The following MAPK10 variants were observed in gnomAD, a reference collection of about 807,000 sequenced individuals.
The protein encoded by MAPK10 is mitogen-activated protein kinase 10.
In MAPK10, 25 loss-of-function variants were observed where a neutral mutation model predicts 59.3. That is an observed-to-expected ratio of 0.42 (90% CI 0.31 to 0.59). MAPK10 has a LOEUF of 0.59. Among genes scored for constraint, MAPK10 ranks in the 20% least tolerant of loss-of-function variants. MAPK10 has a pLI of 0.15. For missense variants in MAPK10, 351 were observed against 568.9 expected (o/e 0.62, Z 3.90); for synonymous variants, 190 against 200.5 (o/e 0.95, Z 0.44).
At chr4:86,037,516 T>C (rs948018125) in intron 11 of MAPK10, among the ~76,000 whole-genome samples, 6 of 149,502 alleles carry the variant, frequency 4.0e-5, no homozygotes, top group Non-Finnish European at 7.4e-5. Context: ...CGAGACTCCG[T>C]CTAAAAAAAA....
At chr4:86,358,447 A>G in intron 1 of MAPK10, 5 of 870,902 alleles carry the variant, frequency 5.7e-6, no homozygotes, top group Non-Finnish European at 6.9e-6. Context: ...TTTGTTCATA[A>G]AAGTTATCAT....
At chr4:86,492,724 G>A (rs1208901265) in intron 1 of MAPK10, among the ~76,000 whole-genome samples, 1 of 152,192 alleles carries the variant, frequency 6.6e-6, no homozygotes, top group Non-Finnish European at 1.5e-5. Flanking sequence ...TTACCATGGT[G>A]GATGAAATTT....
At chr4:86,304,586 G>T (rs2095533374) in intron 2 of MAPK10, among the ~76,000 whole-genome samples, 1 of 151,140 alleles carries the variant, frequency 6.6e-6, no homozygotes, top group Admixed American at 6.6e-5. Flanking sequence ...TAGAGACGGG[G>T]TTTCACCGTG....
intron 11 of MAPK10, among the ~76,000 whole-genome samples, chr4:86,058,406 G>A (rs1466813242): frequency 6.7e-6 from 1 of 149,366 alleles, no homozygotes; most frequent in African/African-American, 2.5e-5. Context: ...ATATTTCCCA[G>A]ATTTGTCTGT....
chr4:86,132,000 C>G (rs1234764390), intron 4 of MAPK10, among the ~76,000 whole-genome samples: 1 of 152,128 alleles, frequency 6.6e-6, no homozygotes, highest in Non-Finnish European at 1.5e-5. Context: ...TGCTTCTAGT[C>G]AGTAGACGAT....
At chr4:86,133,239 TA>T (rs1346940891) in intron 4 of MAPK10, among the ~76,000 whole-genome samples, 2 of 150,646 alleles carry the variant, frequency 1.3e-5, no homozygotes, top group African/African-American at 2.5e-5. Context: ...TGTGGAGACA[TA>T]TTAAAAGAGT....
At chr4:86,433,666 G>A (rs1490112835) in intron 1 of MAPK10, among the ~76,000 whole-genome samples, 1 of 146,484 alleles carries the variant, frequency 6.8e-6, no homozygotes, top group East Asian at 2.1e-4. Context: ...AGCCTCCCAA[G>A]CTGCTGGGAA....
intron 1 of MAPK10, among the ~76,000 whole-genome samples, chr4:86,413,162 C>T (rs1029312663): frequency 1.3e-5 from 2 of 152,208 alleles, no homozygotes; most frequent in African/African-American, 2.4e-5. Context: ...AGTCAGGCCC[C>T]TCAGCTGCAG....
chr4:86,134,465 C>T (rs1161425062), intron 4 of MAPK10, among the ~76,000 whole-genome samples: 1 of 152,194 alleles, frequency 6.6e-6, no homozygotes, highest in East Asian at 1.9e-4. Context: ...ATTAAAGTCT[C>T]CACCCCTGCC....
intron 4 of MAPK10, among the ~76,000 whole-genome samples, chr4:86,114,284 G>A (rs1179543683): frequency 6.6e-6 from 1 of 152,192 alleles, no homozygotes; most frequent in African/African-American, 2.4e-5. Flanking sequence ...TCATTTGGAG[G>A]AGAAGAGGGA....
chr4:86,117,669 G>A (rs752221029), intron 4 of MAPK10: 1 of 152,204 alleles, frequency 6.6e-6, no homozygotes, highest in Admixed American at 6.5e-5. Context: ...TGAGCGATTT[G>A]TAATGCAGAA....
chr4:86,451,846 G>A (rs776714310), intron 1 of MAPK10, among the ~76,000 whole-genome samples: 44 of 152,178 alleles, frequency 2.9e-4, no homozygotes, highest in Non-Finnish European at 5.3e-4. Context: ...CAGGATCTGA[G>A]AGAGGAGTTG....
chr4:86,544,258 T>C (rs1758966446), intron 1 of MAPK10, among the ~76,000 whole-genome samples: 1 of 152,146 alleles, frequency 6.6e-6, no homozygotes, highest in South Asian at 2.1e-4. Flanking sequence ...TAATGTGAAG[T>C]AGGGGAGCTG....
intron 11 of MAPK10, among the ~76,000 whole-genome samples, chr4:86,032,905 T>C (rs371660850): frequency 6.6e-6 from 1 of 152,146 alleles, no homozygotes; most frequent in Non-Finnish European, 1.5e-5. Flanking sequence ...GCTGTAAACC[T>C]CACCTACTGC....
At chr4:86,445,695 C>A (rs1749949440) in intron 1 of MAPK10, among the ~76,000 whole-genome samples, 2 of 152,100 alleles carry the variant, frequency 1.3e-5, no homozygotes, top group African/African-American at 2.4e-5. Flanking sequence ...TTCTCAGAAG[C>A]CACACAAGCA....
chr4:86,434,958 A>T (rs1231712848), intron 1 of MAPK10, among the ~76,000 whole-genome samples: 5 of 152,262 alleles, frequency 3.3e-5, no homozygotes, highest in Non-Finnish European at 7.3e-5. Flanking sequence ...TATTGCTCAG[A>T]CATAAAGAAG....
At chr4:86,406,472 C>T (rs1042803384) in intron 1 of MAPK10, among the ~76,000 whole-genome samples, 13 of 152,140 alleles carry the variant, frequency 8.5e-5, no homozygotes, top group Admixed American at 2.0e-4. Context: ...AGTGGAGACT[C>T]ATTTTAACCC....
chr4:86,568,969 G>T (rs1761258510), intron 1 of MAPK10, among the ~76,000 whole-genome samples: 2 of 151,988 alleles, frequency 1.3e-5, no homozygotes, highest in African/African-American at 4.8e-5. Flanking sequence ...AAACTGAAAA[G>T]CTTCTGCACA....
chr4:86,293,365 T>C (rs1435063492), intron 2 of MAPK10, among the ~76,000 whole-genome samples: 1 of 152,246 alleles, frequency 6.6e-6, no homozygotes. Context: ...CTGTATCTAT[T>C]TGATCAGGTC....
Sources: allele counts gnomAD v4.1 joint callset (sites outside exome capture counted in the v4.1 genomes callset), GRCh38; gene constraint gnomAD v4.1.1; transcripts MANE v1.5; gene names NCBI Gene and HGNC (gene_info 2026-07-23, HGNC 2026-07-21).